Variants in RBFOX1 observed in about 807,000 individuals in gnomAD.
The protein encoded by RBFOX1 is RNA binding fox-1 homolog 1.
RBFOX1 carries 8 observed loss-of-function variants against 57.7 expected under a neutral mutation model. That is an observed-to-expected ratio of 0.14 (90% CI 0.08 to 0.25). The LOEUF (loss-of-function observed/expected upper bound fraction) is 0.25. Ranked by LOEUF, RBFOX1 falls within the 10% of genes least tolerant of loss-of-function variation. The probability of loss-of-function intolerance (pLI) is 1.00; values close to 1 mark genes in which losing one functional copy is unlikely to be tolerated. For missense variants in RBFOX1, 611 were observed against 548.5 expected, an observed-to-expected ratio of 1.11 and a Z score of -1.14; for synonymous variants, 326 against 222.4, an observed-to-expected ratio of 1.47 and a Z score of -4.15.
chr16:7,224,347 A>T (rs375418318), intron 4 of RBFOX1, among the ~76,000 whole-genome samples: 3 of 152,260 alleles, frequency 2.0e-5, no homozygotes, highest in East Asian at 3.9e-4. Flanking sequence ...ATTCTACCAA[A>T]AGCCATTTTC....
chr16:7,120,788 T>C (rs1456487646), intron 4 of RBFOX1, among the ~76,000 whole-genome samples: 1 of 128,728 alleles, frequency 7.8e-6, no homozygotes, highest in African/African-American at 2.7e-5. Flanking sequence ...ATTAATCTGA[T>C]ACGAAAACCA....
intron 2 of RBFOX1, among the ~76,000 whole-genome samples, chr16:5,554,060 C>T (rs2151089931): frequency 6.6e-6 from 1 of 151,660 alleles, no homozygotes; most frequent in Admixed American, 6.6e-5. Flanking sequence ...ACCTCTGCCT[C>T]CTGGGTTCAA....
chr16:6,590,267 A>C (rs1305463386), intron 2 of RBFOX1, among the ~76,000 whole-genome samples: 1 of 152,158 alleles, frequency 6.6e-6, no homozygotes. Flanking sequence ...CAGAAATTGT[A>C]CTTTTCTCCC....
At chr16:5,300,136 A>G (rs570175502) in intron 1 of RBFOX1, among the ~76,000 whole-genome samples, 4 of 152,086 alleles carry the variant, frequency 2.6e-5, no homozygotes, top group African/African-American at 4.8e-5. Flanking sequence ...CCAATCTTAC[A>G]TTCCTGAGAT....
intron 1 of RBFOX1, among the ~76,000 whole-genome samples, chr16:6,123,613 T>G (rs908059804): frequency 6.6e-6 from 1 of 152,212 alleles, no homozygotes; most frequent in Non-Finnish European, 1.5e-5. Flanking sequence ...ATGTACTCAA[T>G]GCCACTGAAC....
chr16:5,759,952 C>T (rs2053536405), intron 3 of RBFOX1, among the ~76,000 whole-genome samples: 1 of 151,150 alleles, frequency 6.6e-6, no homozygotes, highest in Non-Finnish European at 1.5e-5. Flanking sequence ...TTCAACTGCA[C>T]TGAAAATGTA....
chr16:6,562,715 C>T (rs947272572), intron 2 of RBFOX1, among the ~76,000 whole-genome samples: 4 of 152,028 alleles, frequency 2.6e-5, no homozygotes, highest in African/African-American at 9.7e-5. Context: ...TTATGAAATG[C>T]CCTTTAAAAC....
intron 1 of RBFOX1, among the ~76,000 whole-genome samples, chr16:6,156,880 C>A (rs2096842056): frequency 6.6e-6 from 1 of 152,152 alleles, no homozygotes; most frequent in Admixed American, 6.5e-5. Flanking sequence ...TCTTACGTCA[C>A]CCAGACTGGA....
intron 4 of RBFOX1, among the ~76,000 whole-genome samples, chr16:7,095,201 A>G (rs140078345): frequency 3.9e-5 from 6 of 152,126 alleles, no homozygotes; most frequent in African/African-American, 1.2e-4. Flanking sequence ...CAGTGGCACG[A>G]TCTCAGCTCA....
intron 3 of RBFOX1, among the ~76,000 whole-genome samples, chr16:5,811,260 A>C (rs2055420738): frequency 6.9e-6 from 1 of 145,412 alleles, no homozygotes; most frequent in Non-Finnish European, 1.5e-5. Context: ...CAGCCTCCCA[A>C]GTAGCTGGGA....
intron 11 of RBFOX1, among the ~76,000 whole-genome samples, chr16:7,631,966 G>T (rs1377702313): frequency 6.6e-6 from 1 of 152,188 alleles, no homozygotes; most frequent in Non-Finnish European, 1.5e-5. Flanking sequence ...CTGGAGTGCA[G>T]TGGTGCCATC....
chr16:5,324,670 G>A (rs2064512916), intron 1 of RBFOX1, among the ~76,000 whole-genome samples: 1 of 152,162 alleles, frequency 6.6e-6, no homozygotes, highest in Admixed American at 6.6e-5. Flanking sequence ...CATAGATGGA[G>A]CTAGAGGCCA....
chr16:5,825,298 C>T (rs933991013), intron 3 of RBFOX1, among the ~76,000 whole-genome samples: 2 of 152,224 alleles, frequency 1.3e-5, no homozygotes, highest in African/African-American at 4.8e-5. Context: ...GAGATGTTCC[C>T]TGCCCAGGCT....
intron 1 of RBFOX1, among the ~76,000 whole-genome samples, chr16:6,134,643 C>T (rs536171300): frequency 5.3e-5 from 8 of 151,852 alleles, no homozygotes; most frequent in African/African-American, 1.7e-4. Context: ...ACTGTCAGTG[C>T]CCCCTGTGGC....
chr16:6,558,346 C>G (rs201124572), intron 2 of RBFOX1, among the ~76,000 whole-genome samples: 1 of 152,126 alleles, frequency 6.6e-6, no homozygotes, highest in Admixed American at 6.5e-5. Flanking sequence ...GCTCCTGGCA[C>G]CCCTGCTGAG....
At chr16:6,427,549 A>T (rs2093964624) in intron 2 of RBFOX1, among the ~76,000 whole-genome samples, 1 of 147,834 alleles carries the variant, frequency 6.8e-6, no homozygotes, top group Non-Finnish European at 1.5e-5. Context: ...GCATTCATGC[A>T]TTTGTGCCCA....
intron 4 of RBFOX1, among the ~76,000 whole-genome samples, chr16:7,349,248 A>T (rs568710081): frequency 6.6e-6 from 1 of 152,216 alleles, no homozygotes; most frequent in East Asian, 1.9e-4. Flanking sequence ...CTTCTATCAC[A>T]AGTGGAGACT....
intron 4 of RBFOX1, among the ~76,000 whole-genome samples, chr16:7,285,704 A>T (rs1377209921): frequency 2.6e-5 from 4 of 152,210 alleles, no homozygotes; most frequent in Non-Finnish European, 4.4e-5. Context: ...TGCTGTGTGT[A>T]TAAATAACTT....
intron 2 of RBFOX1, among the ~76,000 whole-genome samples, chr16:6,518,831 C>T (rs1028036540): frequency 7.5e-6 from 1 of 133,054 alleles, no homozygotes; most frequent in African/African-American, 2.9e-5. Context: ...ATCTATCTAT[C>T]TATCTATCTA....
Sources: allele counts gnomAD v4.1 joint callset (sites outside exome capture counted in the v4.1 genomes callset), GRCh38; gene constraint gnomAD v4.1.1; transcripts MANE v1.5; gene names NCBI Gene and HGNC (gene_info 2026-07-23, HGNC 2026-07-21).